Variants in ROR1 observed in about 807,000 individuals in gnomAD.
ROR1 encodes ROR family WNT receptor 1, also known as inactive tyrosine-protein kinase transmembrane receptor ROR1.
In ROR1, 19 loss-of-function variants were observed where a neutral mutation model predicts 78.8. That is an observed-to-expected ratio of 0.24 (90% CI 0.17 to 0.35). The LOEUF is 0.35. Ranked by LOEUF, ROR1 falls within the 10% of genes least tolerant of loss-of-function variation. The pLI, the probability that ROR1 is intolerant of heterozygous loss-of-function variation, is 1.00. For synonymous variants in ROR1, 386 were observed against 433.6 expected (o/e 0.89, Z 1.36); for missense variants, 917 against 1,177.8 (o/e 0.78, Z 3.24).
chr1:63,777,067 T>C (rs995148059), intron 1 of ROR1, among the ~76,000 whole-genome samples: 13 of 152,226 alleles, frequency 8.5e-5, no homozygotes, highest in African/African-American at 2.7e-4. Flanking sequence ...CCTTTAAATT[T>C]ATTTTTTCTG....
intron 1 of ROR1, among the ~76,000 whole-genome samples, chr1:63,945,475 A>G (rs913349732): frequency 1.3e-5 from 2 of 152,180 alleles, no homozygotes; most frequent in African/African-American, 4.8e-5. Context: ...CCCCTGACCT[A>G]TAGTTTGAAA....
intron 1 of ROR1, among the ~76,000 whole-genome samples, chr1:64,008,932 G>A (rs1300048717): frequency 6.6e-6 from 1 of 152,028 alleles, no homozygotes; most frequent in Non-Finnish European, 1.5e-5. Context: ...TGTGCCCAGC[G>A]TGACTTTTTA....
chr1:63,776,899 C>G (rs990346429), intron 1 of ROR1, among the ~76,000 whole-genome samples: 3 of 152,156 alleles, frequency 2.0e-5, no homozygotes, highest in African/African-American at 7.2e-5. Context: ...TGGTAGAACT[C>G]ACGTTTACTT....
intron 2 of ROR1, among the ~76,000 whole-genome samples, chr1:64,035,558 G>A (rs944567977): frequency 3.1e-4 from 25 of 79,846 alleles, no homozygotes; most frequent in African/African-American, 6.4e-4. Context: ...CCCAGGTTAC[G>A]CCAGAGTCTC....
chr1:63,909,481 CAAG>C (rs1645553135), intron 1 of ROR1, among the ~76,000 whole-genome samples: 1 of 152,154 alleles, frequency 6.6e-6, no homozygotes, highest in African/African-American at 2.4e-5. Context: ...TGCATGTCCT[CAAG>C]AAGAAGCCAC....
Position 63,842,715 on chromosome 1 carries a change from C to T in ROR1, c.91+68207C>T, listed in dbSNP as rs149842550. Among the ~76,000 whole-genome samples the T allele has an allele frequency of 5.1e-3, 768 of 151,962 alleles. 4 individuals are homozygous for T. Among genetic ancestry groups the T allele is most frequent in the Non-Finnish European group, 8.2e-3 (554 of 67,968 alleles). On this transcript the variant is annotated intron_variant, in intron 1 of 8. Coordinates refer to ENST00000371079, the MANE Select transcript of ROR1 (RefSeq NM_005012.4). ...TTTTAATCGAAAGTGCCTTACTGGT[C>T]CTGCTTCCATGAGTAGCAGTGACCA...
In ROR1 at chr1:64,078,840, CAG is replaced by C. The variant is rs1647074602; in HGVS notation, c.482+28127_482+28128del. Among the ~76,000 whole-genome samples the C allele has an allele frequency of 7.2e-5, 11 of 152,164 alleles. No individual in the cohort carries two copies. In the South Asian group the frequency reaches 2.3e-3, roughly 32 times the overall value. On this transcript the variant is annotated intron_variant, in intron 4 of 8. Coordinates refer to ENST00000371079, the MANE Select transcript of ROR1 (RefSeq NM_005012.4). ...GTCCAACAAGGAGAGTGAGAGGTGA[CAG>C]AGTATTATAGAGGCCTTGGTGAAAG... is the stretch of plus-strand genomic sequence containing the variant.
intron 1 of ROR1, among the ~76,000 whole-genome samples, chr1:63,897,537 G>A (rs903907043): frequency 7.9e-5 from 12 of 152,078 alleles, no homozygotes; most frequent in African/African-American, 2.7e-4. Context: ...CTTGTTTCTC[G>A]GTTCCTTCTT....
intron 8 of ROR1, among the ~76,000 whole-genome samples, chr1:64,170,779 A>G (rs970577445): frequency 6.6e-6 from 1 of 152,156 alleles, no homozygotes; most frequent in Non-Finnish European, 1.5e-5. Flanking sequence ...TCCGCCAAAT[A>G]CCCTAAATCA....
intron 1 of ROR1, among the ~76,000 whole-genome samples, chr1:63,973,326 G>T (rs1351590824): frequency 6.6e-6 from 1 of 152,174 alleles, no homozygotes; most frequent in Non-Finnish European, 1.5e-5. Flanking sequence ...CCCCTGGGCT[G>T]CCCAGAGCAT....
At chr1:64,004,269 C>T (rs1412642038) in intron 1 of ROR1, among the ~76,000 whole-genome samples, 1 of 152,152 alleles carries the variant, frequency 6.6e-6, no homozygotes, top group Non-Finnish European at 1.5e-5. Context: ...GGGGCATTTT[C>T]CACAGTACCT....
chr1:63,784,029 A>G (rs569469769), intron 1 of ROR1, among the ~76,000 whole-genome samples: 1 of 152,238 alleles, frequency 6.6e-6, no homozygotes, highest in South Asian at 2.1e-4. Context: ...GCCAAACTGC[A>G]TTGCAGTTTT....
intron 4 of ROR1, among the ~76,000 whole-genome samples, chr1:64,072,427 C>T (rs981071115): frequency 6.6e-5 from 10 of 152,054 alleles, no homozygotes; most frequent in South Asian, 4.1e-4. Flanking sequence ...AGGGGCTTGA[C>T]GGTGGAATTA....
At chr1:63,905,898 C>T (rs1176029785) in intron 1 of ROR1, among the ~76,000 whole-genome samples, 3 of 152,004 alleles carry the variant, frequency 2.0e-5, no homozygotes, top group East Asian at 1.9e-4. Context: ...TTACTTAACT[C>T]GATAATAATT....
intron 1 of ROR1, among the ~76,000 whole-genome samples, chr1:63,974,098 A>G (rs1218022114): frequency 1.3e-5 from 2 of 152,250 alleles, no homozygotes; most frequent in South Asian, 4.1e-4. Flanking sequence ...AAAGGGAAAT[A>G]TTAAATAAAT....
chr1:63,985,879 T>C (rs1318779432), intron 1 of ROR1, among the ~76,000 whole-genome samples: 2 of 151,938 alleles, frequency 1.3e-5, no homozygotes, highest in Non-Finnish European at 2.9e-5. Flanking sequence ...TCTGAAAAAA[T>C]CCAAAATCTA....
chr1:64,068,808 G>A (rs966424347), intron 4 of ROR1, among the ~76,000 whole-genome samples: 3 of 152,000 alleles, frequency 2.0e-5, no homozygotes, highest in Admixed American at 1.3e-4. Context: ...CACAAGTTCC[G>A]TTTTACAGGC....
intron 4 of ROR1, among the ~76,000 whole-genome samples, chr1:64,093,386 T>G (rs1481700788): frequency 6.6e-6 from 1 of 152,292 alleles, no homozygotes; most frequent in East Asian, 1.9e-4. Context: ...CAAGAAAGAC[T>G]TGAGAGAGCA....
chr1:63,961,512 T>G (rs1230816377), intron 1 of ROR1, among the ~76,000 whole-genome samples: 1 of 152,158 alleles, frequency 6.6e-6, no homozygotes, highest in South Asian at 2.1e-4. Flanking sequence ...GACGTAAATA[T>G]AATCAAATCT....
Sources: gnomAD v4.1 joint callset for allele counts (sites outside exome capture counted in the v4.1 genomes callset) on GRCh38, gnomAD v4.1.1 for gene constraint, MANE v1.5 for transcripts, NCBI Gene and HGNC (gene_info 2026-07-23, HGNC 2026-07-21) for gene names.